Variants in PTPRT observed in about 807,000 individuals in gnomAD.
The protein encoded by PTPRT is receptor-type tyrosine-protein phosphatase T.
A neutral mutation model predicts 176.8 loss-of-function variants in PTPRT; 56 were observed. The ratio of observed to expected loss-of-function variants is 0.32; its 90% CI spans 0.26 to 0.40. The LOEUF (loss-of-function observed/expected upper bound fraction) is 0.40, where lower values mean the gene tolerates loss of function less well. Ranked by LOEUF, PTPRT falls within the 10% of genes least tolerant of loss-of-function variation. PTPRT has a pLI of 1.00. For synonymous variants in PTPRT, 783 were observed against 739.0 expected (o/e 1.06, Z -0.96); for missense variants, 1,540 against 1,908.2 (o/e 0.81, Z 3.60).
chr20:42,893,381 G>T (rs1433459240), intron 1 of PTPRT, among the ~76,000 whole-genome samples: 1 of 152,064 alleles, frequency 6.6e-6, no homozygotes, highest in Non-Finnish European at 1.5e-5. Context: ...GAGAGGATGT[G>T]GAGAAATAGG....
chr20:42,833,838 C>A lies in PTPRT; in HGVS notation c.215-42372G>T, dbSNP rs183369792. Among the ~76,000 whole-genome samples, 30 of 152,168 alleles carry A rather than the reference C, an allele frequency of 2.0e-4. No individual in the cohort carries two copies. The East Asian group carries it at 5.2e-3, about 26-fold the overall frequency. The stretch of plus-strand genomic sequence containing the variant: ...CGGAGCGGGGGGAAGAAAGGAGGAC[C>A]CTTGACCTATACCTCTCACTATATG... On this transcript the variant is annotated intron_variant, in intron 2 of 30. Transcript: ENST00000373187.
At chr20:42,439,167 G>A (rs773432701) in intron 9 of PTPRT, among the ~76,000 whole-genome samples, 12 of 152,178 alleles carry the variant, frequency 7.9e-5, no homozygotes, top group Admixed American at 3.9e-4. Flanking sequence ...TGAATGATGA[G>A]CTGTGGACTA....
Position 42,938,977 on chromosome 20 carries a change from G to T in PTPRT, c.89-53045C>A, listed in dbSNP as rs6016923. Among the ~76,000 whole-genome samples the T allele has an allele frequency of 7.2e-4, 110 of 152,306 alleles. 2 individuals are homozygous for T. The South Asian group carries it at 8.9e-3, about 12-fold the overall frequency. Reference sequence around the variant, plus strand: ...TTACTGGCGGCAGTTTAAACAGAAGGTTCCTTGAGAGGTGAGCAATAAAGA... The same window carrying T: ...TTACTGGCGGCAGTTTAAACAGAAGTTTCCTTGAGAGGTGAGCAATAAAGA... On this transcript the variant is annotated intron_variant, in intron 1 of 30. Transcript: ENST00000373187.
chr20:42,086,157 T>G (rs1983883953), intron 27 of PTPRT, among the ~76,000 whole-genome samples: 1 of 152,138 alleles, frequency 6.6e-6, no homozygotes, highest in Non-Finnish European at 1.5e-5. Flanking sequence ...CAGGCTAGTC[T>G]TGAACTCCTG....
chr20:42,279,793 C>T lies in PTPRT; in HGVS notation c.2176+2696G>A, dbSNP rs903305590. The stretch of plus-strand genomic sequence containing the variant: ...GAGTGCTTAGGGCTGTTACAACTGG[C>T]AACCATCTGGTTCTGTGGGATTCAT... On this transcript the variant is annotated intron_variant, in intron 13 of 30. Transcript: ENST00000373187. Among the ~76,000 whole-genome samples the T allele has an allele frequency of 2.0e-5, 3 of 152,322 alleles. No homozygotes were observed. The East Asian group carries it at 5.8e-4, about 29-fold the overall frequency.
intron 6 of PTPRT, among the ~76,000 whole-genome samples, chr20:42,735,854 C>T (rs905900606): frequency 6.6e-6 from 1 of 152,112 alleles, no homozygotes. Flanking sequence ...GAACTTGCAG[C>T]CACTCGGCCC....
intron 6 of PTPRT, among the ~76,000 whole-genome samples, chr20:42,702,738 A>G (rs2075992796): frequency 6.6e-6 from 1 of 152,190 alleles, no homozygotes; most frequent in Non-Finnish European, 1.5e-5. Flanking sequence ...AACAGAGGCC[A>G]AGAGGTAGCA....
At chr20:42,796,394 T>C (rs2077454214) in intron 2 of PTPRT, among the ~76,000 whole-genome samples, 2 of 152,224 alleles carry the variant, frequency 1.3e-5, no homozygotes, top group African/African-American at 2.4e-5. Flanking sequence ...GTGGATTACT[T>C]ACCAAAGCAT....
intron 8 of PTPRT, among the ~76,000 whole-genome samples, chr20:42,471,114 T>TG (rs1235818685): frequency 6.6e-6 from 1 of 152,228 alleles, no homozygotes; most frequent in Admixed American, 6.5e-5. Context: ...TATTCAGTTC[T>TG]GGGTGGATCC....
chr20:42,889,456 C>T (rs2079155703), intron 1 of PTPRT, among the ~76,000 whole-genome samples: 1 of 152,212 alleles, frequency 6.6e-6, no homozygotes, highest in African/African-American at 2.4e-5. Context: ...AATATTCAGG[C>T]CCCACTGTCA....
intron 6 of PTPRT, among the ~76,000 whole-genome samples, chr20:42,731,336 G>A (rs912937274): frequency 6.6e-6 from 1 of 152,194 alleles, no homozygotes; most frequent in Admixed American, 6.5e-5. Flanking sequence ...TGTCATTACA[G>A]CAATTCCTCC....
intron 2 of PTPRT, among the ~76,000 whole-genome samples, chr20:42,821,569 G>C (rs1330296232): frequency 6.6e-6 from 1 of 152,062 alleles, no homozygotes; most frequent in East Asian, 1.9e-4. Context: ...AGGGTTACCA[G>C]GCAAGAGGAA....
chr20:42,233,129 T>C (rs959111771), intron 15 of PTPRT, among the ~76,000 whole-genome samples: 7 of 152,304 alleles, frequency 4.6e-5, no homozygotes, highest in East Asian at 1.9e-4. Flanking sequence ...CCCTTAGCCC[T>C]CTGTTCTTGT....
chr20:42,507,662 A>G (rs2071871262), intron 7 of PTPRT, among the ~76,000 whole-genome samples: 1 of 152,164 alleles, frequency 6.6e-6, no homozygotes, highest in African/African-American at 2.4e-5. Flanking sequence ...TATTAGTTCA[A>G]TCCTGTCTGC....
At chr20:42,180,429 A>G (rs968195080) in intron 16 of PTPRT, among the ~76,000 whole-genome samples, 10 of 152,138 alleles carry the variant, frequency 6.6e-5, no homozygotes, top group Non-Finnish European at 1.5e-4. Flanking sequence ...TCCTGATCCC[A>G]TTCAGCATGT....
intron 1 of PTPRT, among the ~76,000 whole-genome samples, chr20:42,953,682 C>T (rs1223094059): frequency 6.6e-6 from 1 of 152,126 alleles, no homozygotes; most frequent in African/African-American, 2.4e-5. Context: ...GAAGCTGAGC[C>T]CTCCCGTTTA....
intron 1 of PTPRT, among the ~76,000 whole-genome samples, chr20:43,114,420 G>A (rs1378027168): frequency 6.6e-6 from 1 of 152,110 alleles, no homozygotes; most frequent in Non-Finnish European, 1.5e-5. Context: ...AAAAAAATGG[G>A]AATGAAATAG....
intron 23 of PTPRT, 38 bp from the exon 24 acceptor site, chr20:42,106,959 G>T (rs1423156061): frequency 1.2e-6 from 2 of 1,602,846 alleles, no homozygotes; most frequent in South Asian, 1.1e-5. Context: ...GGATCTTCAT[G>T]GGGGGAACCT....
rs1186596606 is a variant in PTPRT at position 42,466,701 on chromosome 20, CA to C, written c.1450+5564del. Among the ~76,000 whole-genome samples, 5 of 152,052 alleles carry C rather than the reference CA, an allele frequency of 3.3e-5. No individual in the cohort carries two copies. The South Asian group carries it at 1.0e-3, about 32-fold the overall frequency. ...ATCAGTATGAGCTCATGACTTAAAA[CA>C]AAAATAAATTATACTCCCTAGCTCT... On this transcript the variant is annotated intron_variant, in intron 8 of 30. Coordinates refer to ENST00000373187, the MANE Select transcript of PTPRT (RefSeq NM_007050.6).
Sources: gnomAD v4.1 joint callset for allele counts (sites outside exome capture counted in the v4.1 genomes callset) on GRCh38, gnomAD v4.1.1 for gene constraint, MANE v1.5 for transcripts, NCBI Gene and HGNC (gene_info 2026-07-23, HGNC 2026-07-21) for gene names.